The following STMN4 variants were observed in gnomAD, a reference collection of about 807,000 sequenced individuals.
STMN4 encodes the protein stathmin-4.
Under a neutral mutation model 29.1 loss-of-function variants are expected in STMN4, and 12 were observed. The ratio of observed to expected loss-of-function variants is 0.41; its 90% confidence interval spans 0.26 to 0.67. STMN4 has a LOEUF of 0.67. STMN4 is among the 30% of genes least tolerant of loss of function. STMN4 has a pLI of 0.30. For synonymous variants in STMN4, 114 were observed against 105.3 expected (o/e 1.08, Z -0.51); for missense variants, 181 against 262.8 (o/e 0.69, Z 2.15).
chr8:27,241,629 C>T (rs372656497), intron 4 of STMN4, 48 bp downstream of exon 4: 4 of 1,608,620 alleles, frequency 2.5e-6, no homozygotes, highest in Non-Finnish European at 3.4e-6. Context: ...CCGGCCACAG[C>T]CCATCTGACG....
chr8:27,243,804 G>A lies in STMN4; in HGVS notation c.-78-3C>T, dbSNP rs1801547138. 27 of 1,613,626 alleles carry A rather than the reference G, an allele frequency of 1.7e-5. No individual in the cohort carries two copies. In the South Asian group the frequency reaches 2.6e-4, roughly 16 times the overall value. On this transcript the variant is annotated splice_region_variant and splice_polypyrimidine_tract_variant and intron_variant, in intron 1 of 6. Coordinates refer to ENST00000350889, the MANE Select transcript of STMN4 (RefSeq NM_030795.4). ...CAGCTTGGGACGCTGTCACCAACCT[G>A]AGAAAAGGGGAGGACAGGATTTTAC... is the stretch of plus-strand genomic sequence containing the variant.
At chr8:27,237,032 A>G in intron 6 of STMN4, 127 bp from the exon 7 acceptor site, 1 of 934,648 alleles carries the variant, frequency 1.1e-6, no homozygotes, top group East Asian at 2.9e-5. Context: ...TCTGTCTGCA[A>G]AGGCATCCCG....
chr8:27,243,197 T>G (rs17056937), intron 2 of STMN4, among the ~76,000 whole-genome samples: 2,141 of 152,274 alleles, frequency 0.014, 45 homozygotes, highest in African/African-American at 0.049. Flanking sequence ...AGCCCTTAGC[T>G]GACCCCTAGC....
chr8:27,242,268 T>C, intron 3 of STMN4, 129 bp downstream of exon 3: 2 of 934,500 alleles, frequency 2.1e-6, no homozygotes, highest in South Asian at 3.1e-5. Context: ...CGCTGTGATT[T>C]CATCGGCACT....
At chr8:27,252,544 G>A (rs1299654949) in intron 1 of STMN4, among the ~76,000 whole-genome samples, 1 of 152,196 alleles carries the variant, frequency 6.6e-6, no homozygotes, top group Non-Finnish European at 1.5e-5. Context: ...TTTGGCCTCA[G>A]TCTCCCAAAG....
At position 27,242,502 on chromosome 8, in the gene STMN4, C is replaced by T. The variant is rs200591380; in HGVS notation, c.14-10G>A. 3.3e-5 allele frequency: 54 copies of T among 1,613,968 alleles called. No homozygotes were observed. In the African/African-American group the frequency reaches 6.8e-4, roughly 20 times the overall value. On this transcript the variant is annotated splice_polypyrimidine_tract_variant and intron_variant, in intron 2 of 6. Transcript: ENST00000350889. ...ATCTTCTCTTTGTAGGCTGCGGAAA[C>T]ACCCAGTCAGGTGAGGATGGCGCCT...
At position 27,236,731 on chromosome 8, in the gene STMN4, AC is replaced by A; in HGVS notation, c.*114del. On this transcript the variant is annotated 3_prime_UTR_variant, in exon 7 of 7. Coordinates refer to ENST00000350889, the MANE Select transcript of STMN4 (RefSeq NM_030795.4). ...AAAGCAGAGGAAACGCCCCTTGGCC[AC>A]CCCCCTCCCCCCAAACCCCAGTGCT... 1.9e-5 allele frequency: 14 copies of A among 746,154 alleles called. No homozygotes were observed. The highest frequency in any genetic ancestry group is 7.3e-5 in the East Asian group (2 of 27,386). 46.2% of individuals were successfully genotyped at this position (746,154 alleles called of 1,614,324 possible).
chr8:27,240,897 T>C (rs1175572778), intron 5 of STMN4, among the ~76,000 whole-genome samples, 157 bp downstream of exon 5: 1 of 152,230 alleles, frequency 6.6e-6, no homozygotes, highest in Non-Finnish European at 1.5e-5. Flanking sequence ...TTTGTTTCCC[T>C]CAATGGTGTC....
chr8:27,240,488 A>T (rs59191998), intron 5 of STMN4, among the ~76,000 whole-genome samples: 3 of 152,274 alleles, frequency 2.0e-5, no homozygotes, highest in South Asian at 4.1e-4. Context: ...GGTAAAAAAA[A>T]GTCTCACAGA....
intron 2 of STMN4, among the ~76,000 whole-genome samples, chr8:27,242,734 T>G (rs1357632980): frequency 6.6e-6 from 1 of 152,194 alleles, no homozygotes; most frequent in Non-Finnish European, 1.5e-5. Flanking sequence ...CATCAGATCC[T>G]TCTCCACAGT....
chr8:27,257,370 C>T (rs978421321), intron 1 of STMN4, among the ~76,000 whole-genome samples: 7 of 152,014 alleles, frequency 4.6e-5, no homozygotes, highest in Admixed American at 4.6e-4. Flanking sequence ...CTTGTATTCT[C>T]TTGGTCTTAA....
At chr8:27,256,539 G>A (rs1025492961) in intron 1 of STMN4, among the ~76,000 whole-genome samples, 3 of 152,010 alleles carry the variant, frequency 2.0e-5, no homozygotes, top group African/African-American at 7.3e-5. Flanking sequence ...GTATGTATTT[G>A]TCATGATATG....
At chr8:27,237,131 G>T (rs1220675967) in intron 6 of STMN4, among the ~76,000 whole-genome samples, 2 of 152,168 alleles carry the variant, frequency 1.3e-5, no homozygotes, top group African/African-American at 4.8e-5. Flanking sequence ...TCCTGTGGGT[G>T]TCAAACTGCA....
intron 1 of STMN4, among the ~76,000 whole-genome samples, chr8:27,249,688 C>T (rs1006445991): frequency 6.6e-6 from 1 of 152,118 alleles, no homozygotes; most frequent in Non-Finnish European, 1.5e-5. Context: ...GAAGGGAGAC[C>T]CCAGCAGGGC....
chr8:27,248,764 G>A (rs1210796948), intron 1 of STMN4, among the ~76,000 whole-genome samples: 1 of 152,188 alleles, frequency 6.6e-6, no homozygotes, highest in African/African-American at 2.4e-5. Flanking sequence ...GTCCTCATGT[G>A]TTTCATTGGA....
intron 5 of STMN4, 88 bp from the exon 6 acceptor site, chr8:27,240,250 C>A (rs1358831928): frequency 2.1e-6 from 3 of 1,430,156 alleles, no homozygotes; most frequent in South Asian, 2.7e-5. Flanking sequence ...GCTGCACACT[C>A]AGAACACTCA....
At chr8:27,255,755 G>A (rs1019794135) in intron 1 of STMN4, among the ~76,000 whole-genome samples, 1 of 152,064 alleles carries the variant, frequency 6.6e-6, no homozygotes, top group African/African-American at 2.4e-5. Flanking sequence ...GTTAAAAATG[G>A]CCTAGTCCAG....
intron 2 of STMN4, among the ~76,000 whole-genome samples, chr8:27,243,506 G>T (rs555588392): frequency 1.3e-5 from 2 of 151,606 alleles, no homozygotes; most frequent in African/African-American, 4.9e-5. Context: ...CCCACCACTT[G>T]TTCAACTTGT....
chr8:27,251,942 C>T (rs1185807610), intron 1 of STMN4, among the ~76,000 whole-genome samples: 1 of 151,758 alleles, frequency 6.6e-6, no homozygotes, highest in Admixed American at 6.6e-5. Context: ...GTATATCTCC[C>T]AATGCTATCC....
Sources: gnomAD v4.1 joint callset for allele counts (sites outside exome capture counted in the v4.1 genomes callset) on GRCh38, gnomAD v4.1.1 for gene constraint, MANE v1.5 for transcripts, NCBI Gene and HGNC (gene_info 2026-07-23, HGNC 2026-07-21) for gene names.